Variants in CDR2 observed in about 807,000 individuals in gnomAD.
CDR2 encodes cerebellar degeneration-related protein 2.
Under a neutral mutation model 48.4 loss-of-function variants are expected in CDR2, and 34 were observed. That is an observed-to-expected ratio of 0.70 (90% confidence interval 0.53 to 0.94). The LOEUF is 0.94. CDR2 is among the 40% of genes least tolerant of loss of function. The pLI is 0.00. For missense variants in CDR2, 498 were observed against 549.5 expected (o/e 0.91, Z 0.94); for synonymous variants, 240 against 219.7 (o/e 1.09, Z -0.82).
chr16:22,362,163 A>G (rs2049014741), intron 2 of CDR2, among the ~76,000 whole-genome samples: 1 of 152,166 alleles, frequency 6.6e-6, no homozygotes, highest in African/African-American at 2.4e-5. Flanking sequence ...GGCCTACCAA[A>G]GTGCTAGGAT....
At position 22,366,882 on chromosome 16, in the gene CDR2, AGAT is replaced by A. The variant is rs1335198829; in HGVS notation, c.80-1871_80-1869del. 5.3e-5 allele frequency among the ~76,000 whole-genome samples: 8 copies of A among 152,266 alleles called. No individual in the cohort carries two copies. The East Asian group carries it at 1.5e-3, about 29-fold the overall frequency. On this transcript the variant is annotated intron_variant, in intron 1 of 4. Coordinates refer to ENST00000268383, the MANE Select transcript of CDR2 (RefSeq NM_001802.2). ...ATGGTGGCTTGGACCAGGGTGGCAG[AGAT>A]GAAGATGGGAGAGGAGGGGCAGAAT...
intron 1 of CDR2, among the ~76,000 whole-genome samples, chr16:22,366,676 T>C (rs2049046686): frequency 6.6e-6 from 1 of 151,950 alleles, no homozygotes; most frequent in Non-Finnish European, 1.5e-5. Context: ...TCAGAGGGGC[T>C]CCAAGATGGC....
At chr16:22,347,935 T>A in intron 4 of CDR2, 112 bp from the exon 5 acceptor site, 1 of 1,061,088 alleles carries the variant, frequency 9.4e-7, no homozygotes. Flanking sequence ...TGACAGTGAC[T>A]AATTTTTTTT....
At chr16:22,372,705 G>T (rs2049086478) in intron 1 of CDR2, among the ~76,000 whole-genome samples, 1 of 152,178 alleles carries the variant, frequency 6.6e-6, no homozygotes, top group Non-Finnish European at 1.5e-5. Flanking sequence ...AGAAGATGGT[G>T]CCAAACACTG....
At chr16:22,354,830 G>A (rs781447146) in intron 2 of CDR2, among the ~76,000 whole-genome samples, 1 of 152,146 alleles carries the variant, frequency 6.6e-6, no homozygotes, top group African/African-American at 2.4e-5. Context: ...GGAGGCAAAG[G>A]TTGCAGTGAG....
intron 1 of CDR2, among the ~76,000 whole-genome samples, chr16:22,370,919 A>C (rs2049071319): frequency 1.3e-5 from 2 of 152,204 alleles, no homozygotes; most frequent in Non-Finnish European, 2.9e-5. Flanking sequence ...GGATCATTAA[A>C]AGTTGTTTTC....
intron 1 of CDR2, among the ~76,000 whole-genome samples, chr16:22,373,482 T>A (rs1598298614): frequency 1.3e-5 from 2 of 152,242 alleles, no homozygotes; most frequent in Admixed American, 1.3e-4. Flanking sequence ...AGTGTGTGGG[T>A]TCAAAAAACA....
intron 2 of CDR2, among the ~76,000 whole-genome samples, chr16:22,361,163 C>A (rs1442111119): frequency 6.6e-6 from 1 of 152,184 alleles, no homozygotes; most frequent in African/African-American, 2.4e-5. Context: ...AGGATGCTAG[C>A]TCACCGGGTG....
chr16:22,372,437 A>T (rs2049084795), intron 1 of CDR2, among the ~76,000 whole-genome samples: 2 of 152,362 alleles, frequency 1.3e-5, no homozygotes, highest in South Asian at 4.1e-4. Flanking sequence ...GTATGTGCCA[A>T]GTATTATGCT....
Position 22,349,826 on chromosome 16 carries a change from A to C in CDR2, c.216T>G (p.Leu72=), listed in dbSNP as rs775653731. The C allele has an allele frequency of 1.9e-6, 3 of 1,614,054 alleles. No homozygotes were observed. In the South Asian group the frequency reaches 3.3e-5, roughly 18 times the overall value. The change falls in exon 3 of 5, where the codon CTT becomes CTG. Residue 72 remains leucine (L), a synonymous_variant. Coordinates refer to ENST00000268383, the MANE Select transcript of CDR2 (RefSeq NM_001802.2). ...EIEYLTKQVE[L]LRQMNEQHAK... is the part of the protein sequence containing the mutation. ...CATGTTGTTCGTTCATCTGCCGTAG[A>C]AGTTCCACTTGCTTCGTCAGATACT...
At chr16:22,366,635 T>C (rs965093743) in intron 1 of CDR2, among the ~76,000 whole-genome samples, 2 of 151,920 alleles carry the variant, frequency 1.3e-5, no homozygotes, top group African/African-American at 2.4e-5. Flanking sequence ...GCAGAATGTA[T>C]TGGGCAGGGA....
rs1360206920 is a variant in CDR2, at chr16:22,374,562, G to A, written c.-253C>T. On this transcript the variant is annotated 5_prime_UTR_variant, in exon 1 of 5. Transcript: ENST00000268383. ...TACGGTGCGAACGCCTGGAGCCGGAGTCTCACGCAGCCGCCAGTCTTCACG... is the reference window on the plus strand; with the variant it reads ...TACGGTGCGAACGCCTGGAGCCGGAATCTCACGCAGCCGCCAGTCTTCACG... 5.3e-6 allele frequency: 1 copy of A among 189,536 alleles called. No homozygotes were observed. Among genetic ancestry groups the A allele is most frequent in the Non-Finnish European group, 1.1e-5 (1 of 93,328 alleles). 11.7% of individuals were successfully genotyped at this position (189,536 alleles called of 1,614,324 possible).
Position 22,347,015 on chromosome 16 carries a change from C to T in CDR2, c.1315G>A (p.Glu439Lys). The change falls in exon 5 of 5, where the codon GAA (glutamate) becomes AAA (lysine). Residue 439 changes from glutamate to lysine, a missense_variant. By Grantham distance (56) the Glu-to-Lys change is moderately conservative (BLOSUM62 1). Coordinates refer to ENST00000268383, the MANE Select transcript of CDR2 (RefSeq NM_001802.2). ...IFSCIKKTKQ[E>K]IDEQRTKYRS... ...TATTTTGTTCTCTGTTCATCTATTT[C>T]CTGCTTAGTTTTCTTGATGCAACTA... The T allele has an allele frequency of 6.2e-7, 1 of 1,614,038 alleles. No homozygotes were observed. Among genetic ancestry groups the T allele is most frequent in the Non-Finnish European group, 8.5e-7 (1 of 1,179,916 alleles).
chr16:22,370,853 G>T (rs1424660047), intron 1 of CDR2, among the ~76,000 whole-genome samples: 1 of 152,338 alleles, frequency 6.6e-6, no homozygotes, highest in East Asian at 1.9e-4. Flanking sequence ...TCTATTCAGA[G>T]CATGGCTTAC....
At chr16:22,356,487 T>C (rs1032328163) in intron 2 of CDR2, among the ~76,000 whole-genome samples, 1 of 151,704 alleles carries the variant, frequency 6.6e-6, no homozygotes, top group African/African-American at 2.4e-5. Context: ...GTGTGGTGGC[T>C]CATGCCTATA....
intron 2 of CDR2, among the ~76,000 whole-genome samples, chr16:22,359,737 C>T (rs1325766477): frequency 1.3e-5 from 2 of 152,078 alleles, no homozygotes; most frequent in African/African-American, 4.8e-5. Context: ...GGCCAGAGCC[C>T]CTTCTGCCTG....
At chr16:22,354,898 T>C (rs1400481872) in intron 2 of CDR2, among the ~76,000 whole-genome samples, 1 of 151,964 alleles carries the variant, frequency 6.6e-6, no homozygotes, top group African/African-American at 2.4e-5. Flanking sequence ...TGTCTAAAAA[T>C]AAATAAATAA....
intron 4 of CDR2, chr16:22,349,068 T>C (rs1283392953): frequency 1.0e-5 from 5 of 497,574 alleles, no homozygotes; most frequent in Non-Finnish European, 1.8e-5. Flanking sequence ...TTAAAAACAC[T>C]GAAATAAGTG....
intron 4 of CDR2, chr16:22,349,060 A>T: frequency 2.1e-6 from 1 of 476,724 alleles, no homozygotes; most frequent in Non-Finnish European, 3.7e-6. Context: ...TTAATACATT[A>T]AAAACACTGA....
Sources: allele counts gnomAD v4.1 joint callset (sites outside exome capture counted in the v4.1 genomes callset), GRCh38; gene constraint gnomAD v4.1.1; transcripts MANE v1.5; gene names NCBI Gene and HGNC (gene_info 2026-07-23, HGNC 2026-07-21).